The following VEGFC variants were observed in gnomAD, a reference collection of about 807,000 sequenced individuals.
The protein encoded by VEGFC is FLT4 ligand DHM.
A neutral mutation model predicts 46.1 loss-of-function variants in VEGFC; 12 were observed. The observed-to-expected ratio is 0.26, with a 90% CI of 0.17 to 0.42. The LOEUF (loss-of-function observed/expected upper bound fraction) is 0.42, where lower values mean the gene tolerates loss of function less well. Ranked by LOEUF, VEGFC falls within the 10% of genes least tolerant of loss-of-function variation. VEGFC has a pLI of 1.00. For synonymous variants in VEGFC, 232 were observed against 195.5 expected (o/e 1.19, Z -1.56); for missense variants, 488 against 529.4 (o/e 0.92, Z 0.77).
intron 1 of VEGFC, among the ~76,000 whole-genome samples, chr4:176,737,792 T>G (rs1196092720): frequency 6.6e-6 from 1 of 151,848 alleles, no homozygotes. Flanking sequence ...AATTACAAAT[T>G]GGGTTTAAAA....
intron 1 of VEGFC, among the ~76,000 whole-genome samples, chr4:176,738,029 A>T: frequency 6.6e-6 from 1 of 151,964 alleles, no homozygotes; most frequent in Non-Finnish European, 1.5e-5. Flanking sequence ...GAGAAGTACA[A>T]ACCACTGATA....
Position 176,684,178 on chromosome 4 carries a change from A to T in VEGFC, c.1146-138T>A, listed in dbSNP as rs187839303. The T allele has an allele frequency of 4.8e-3, 3,254 of 672,106 alleles. 11 individuals carry two copies. Among genetic ancestry groups the T allele is most frequent in the Non-Finnish European group, 6.6e-3 (2,587 of 394,280 alleles). 41.6% of individuals were successfully genotyped at this position (672,106 alleles called of 1,614,324 possible). ...TTATGACGAAATTGTTCATAGGTTT[A>T]AAAAAGTTTGTTTCTGCTTAGAATT... On this transcript the variant is annotated intron_variant, in intron 6 of 6. Transcript: ENST00000618562.
At chr4:176,716,276 TC>T (rs1323570276) in intron 3 of VEGFC, among the ~76,000 whole-genome samples, 3 of 152,034 alleles carry the variant, frequency 2.0e-5, no homozygotes, top group Non-Finnish European at 4.4e-5. Context: ...TCTATGCTGA[TC>T]AGAAACCTAA....
At chr4:176,715,817 C>T (rs377381130) in intron 3 of VEGFC, among the ~76,000 whole-genome samples, 5 of 152,036 alleles carry the variant, frequency 3.3e-5, no homozygotes, top group Non-Finnish European at 5.9e-5. Context: ...ACTTGCATGG[C>T]GCCCTCCCAA....
chr4:176,787,514 T>C (rs1420243166), intron 1 of VEGFC, among the ~76,000 whole-genome samples: 1 of 136,544 alleles, frequency 7.3e-6, no homozygotes, highest in African/African-American at 2.7e-5. Context: ...GATTTCAAAA[T>C]TGGAAAAAAA....
rs1004741257 is a variant in VEGFC, at chr4:176,792,883, A to AGCGGCGGCGGCG, written c.-584_-573dup. On this transcript the variant is annotated 5_prime_UTR_variant, in exon 1 of 7. Coordinates refer to ENST00000618562, the MANE Select transcript of VEGFC (RefSeq NM_005429.5). This position sits in a 1 kb window ranked among gnomAD's most constrained non-coding sequence, Gnocchi z 6.3. The stretch of plus-strand genomic sequence containing the variant: ...GGATCCTCCAGAGCGCGCCGGGCTG[A>AGCGGCGGCGGCG]GCGGCGGCGGCGGCGGCGGCGGGCG... Among the ~76,000 whole-genome samples, 10 of 144,820 alleles carry AGCGGCGGCGGCG rather than the reference A, an allele frequency of 6.9e-5. No homozygotes were observed. Among genetic ancestry groups the AGCGGCGGCGGCG allele is most frequent in the African/African-American group, 1.3e-4 (5 of 39,810 alleles).
At chr4:176,724,521 T>C (rs1159979108) in intron 3 of VEGFC, among the ~76,000 whole-genome samples, 1 of 152,176 alleles carries the variant, frequency 6.6e-6, no homozygotes, top group Non-Finnish European at 1.5e-5. Context: ...CTATAAAGCA[T>C]TTACTACAAA....
chr4:176,738,819 T>C (rs1389300443), intron 1 of VEGFC, among the ~76,000 whole-genome samples: 2 of 151,984 alleles, frequency 1.3e-5, no homozygotes, highest in South Asian at 4.1e-4. Context: ...AAAAGTCTAA[T>C]ATCCAGAGTC....
intron 1 of VEGFC, among the ~76,000 whole-genome samples, chr4:176,791,301 T>C (rs1736085355): frequency 6.6e-6 from 1 of 152,166 alleles, no homozygotes; most frequent in Non-Finnish European, 1.5e-5. Context: ...ATACTCTATA[T>C]GGTTATGGCA....
intron 4 of VEGFC, among the ~76,000 whole-genome samples, chr4:176,688,625 T>C (rs1734091105): frequency 7.1e-6 from 1 of 140,180 alleles, no homozygotes; most frequent in South Asian, 2.7e-4. Context: ...CTTCCCCTCC[T>C]TTCCCCTTTC....
chr4:176,787,309 T>G (rs1168137670), intron 1 of VEGFC, among the ~76,000 whole-genome samples: 1 of 151,638 alleles, frequency 6.6e-6, no homozygotes, highest in Non-Finnish European at 1.5e-5. Context: ...ATACAAAAAT[T>G]AGCCTGCTCT....
intron 4 of VEGFC, among the ~76,000 whole-genome samples, chr4:176,692,107 C>G (rs1432835530): frequency 6.6e-6 from 1 of 151,896 alleles, no homozygotes; most frequent in Admixed American, 6.6e-5. Flanking sequence ...TAAAAAACGG[C>G]GCACCGGCCC....
At chr4:176,784,590 AT>A (rs1579143268) in intron 1 of VEGFC, among the ~76,000 whole-genome samples, 1 of 151,276 alleles carries the variant, frequency 6.6e-6, no homozygotes, top group African/African-American at 2.4e-5. Flanking sequence ...TACTAAAAAA[AT>A]ATAAAAAAAA....
intron 1 of VEGFC, among the ~76,000 whole-genome samples, chr4:176,769,602 G>C (rs747098871): frequency 9.2e-5 from 14 of 152,156 alleles, no homozygotes; most frequent in Non-Finnish European, 1.5e-4. Flanking sequence ...AACCTCAAAT[G>C]AGAACCACGA....
intron 1 of VEGFC, among the ~76,000 whole-genome samples, chr4:176,771,317 C>T (rs1180319684): frequency 6.6e-6 from 1 of 152,126 alleles, no homozygotes; most frequent in African/African-American, 2.4e-5. Context: ...CGGAAAATAT[C>T]TAAAGTTCAA....
intron 1 of VEGFC, among the ~76,000 whole-genome samples, chr4:176,730,588 T>C (rs1048392137): frequency 6.6e-5 from 10 of 152,134 alleles, no homozygotes; most frequent in African/African-American, 2.4e-4. Context: ...TAAATATAAA[T>C]ATGTAAGTAA....
intron 1 of VEGFC, among the ~76,000 whole-genome samples, chr4:176,745,848 A>G (rs1287367108): frequency 6.6e-6 from 1 of 152,118 alleles, no homozygotes; most frequent in Non-Finnish European, 1.5e-5. Flanking sequence ...CTTTTTGCAA[A>G]TAATGGCTGT....
intron 1 of VEGFC, among the ~76,000 whole-genome samples, chr4:176,747,003 A>C (rs1010513521): frequency 1.3e-5 from 2 of 152,156 alleles, no homozygotes; most frequent in African/African-American, 4.8e-5. Flanking sequence ...AAATAGCATC[A>C]CTTGACTGTG....
intron 4 of VEGFC, among the ~76,000 whole-genome samples, chr4:176,696,787 T>C (rs1734322305): frequency 6.6e-6 from 1 of 152,054 alleles, no homozygotes; most frequent in South Asian, 2.1e-4. Context: ...AAAACAGAGA[T>C]ATAGATCAAT....
Sources: allele counts gnomAD v4.1 joint callset (sites outside exome capture counted in the v4.1 genomes callset), GRCh38; gene constraint gnomAD v4.1.1; non-coding constraint Gnocchi (gnomAD v3.1); transcripts MANE v1.5; gene names NCBI Gene and HGNC (gene_info 2026-07-23, HGNC 2026-07-21).